Variants in ZMYM4 observed in about 807,000 individuals in gnomAD.
The protein encoded by ZMYM4 is zinc finger MYM-type protein 4.
ZMYM4 carries 31 observed loss-of-function variants against 183.2 expected under a neutral mutation model. The ratio of observed to expected loss-of-function variants is 0.17; its 90% CI spans 0.13 to 0.23. ZMYM4 has a LOEUF of 0.23. Ranked by LOEUF, ZMYM4 falls within the 10% of genes least tolerant of loss-of-function variation. The pLI is 1.00. For synonymous variants in ZMYM4, 592 were observed against 631.2 expected, an observed-to-expected ratio of 0.94 and a Z score of 0.93; for missense variants, 1,273 against 1,840.3, an observed-to-expected ratio of 0.69 and a Z score of 5.64.
At chr1:35,274,586 A>G (rs1639774210) in intron 1 of ZMYM4, among the ~76,000 whole-genome samples, 1 of 150,112 alleles carries the variant, frequency 6.7e-6, no homozygotes, top group South Asian at 2.1e-4. Context: ...AGCCTGGGTG[A>G]CAGAGCAAGA....
At chr1:35,311,345 T>G (rs1641788125) in intron 1 of ZMYM4, among the ~76,000 whole-genome samples, 1 of 149,290 alleles carries the variant, frequency 6.7e-6, no homozygotes, top group Non-Finnish European at 1.5e-5. Context: ...TCGCTTGAAC[T>G]CAGGAGGCGG....
chr1:35,382,238 A>C (rs1482183448), intron 9 of ZMYM4, among the ~76,000 whole-genome samples: 1 of 150,682 alleles, frequency 6.6e-6, no homozygotes, highest in Non-Finnish European at 1.5e-5. Context: ...ATATGTATGT[A>C]TATGTATATA....
Position 35,327,844 on chromosome 1 carries a change from G to T in ZMYM4, c.85+2439G>T, listed in dbSNP as rs558978554. ...GTATATCCATTCTAAATTTCAAGTT[G>T]TTTGGAGAAAGATTATGATTGGGCC... is the stretch of plus-strand genomic sequence containing the variant. On this transcript the variant is annotated intron_variant, in intron 2 of 29. Transcript: ENST00000314607. Among the ~76,000 whole-genome samples, 13 of 152,248 alleles carry T rather than the reference G, an allele frequency of 8.5e-5. 2 individuals are homozygous for T. Among genetic ancestry groups the T allele is most frequent in the African/African-American group, 2.6e-4 (11 of 41,550 alleles).
At chr1:35,273,286 T>TACACACAC (rs952484271) in intron 1 of ZMYM4, among the ~76,000 whole-genome samples, 1 of 151,878 alleles carries the variant, frequency 6.6e-6, no homozygotes, top group African/African-American at 2.4e-5. Context: ...CACAAATACA[T>TACACACAC]ACACACACAC....
In ZMYM4 at chr1:35,415,692, A is replaced by G. The variant is rs888069348; in HGVS notation, c.4287A>G (p.Leu1429=). ...KMTYLRFFPP[L]QKQESEPDKL... is the part of the protein sequence containing the mutation. Reference sequence around the variant, plus strand: ...CATATCTGAGGTTCTTCCCACCTTTACAGAAGCAGGAGTCAGAACCAGGTA... The same window carrying G: ...CATATCTGAGGTTCTTCCCACCTTTGCAGAAGCAGGAGTCAGAACCAGGTA... Residue 1429 remains leucine, a synonymous_variant, in exon 28 of 30, where the codon TTA becomes TTG. Transcript: ENST00000314607. 1.2e-5 allele frequency: 19 copies of G among 1,613,158 alleles called. No individual in the cohort carries two copies. Among genetic ancestry groups the G allele is most frequent in the Non-Finnish European group, 1.6e-5 (19 of 1,180,028 alleles).
intron 28 of ZMYM4, among the ~76,000 whole-genome samples, chr1:35,417,947 G>A (rs1235935535): frequency 1.3e-5 from 2 of 152,042 alleles, no homozygotes; most frequent in African/African-American, 2.4e-5. Flanking sequence ...GGTGGAGGCT[G>A]CAGTGAGCGG....
chr1:35,336,345 A>G (rs1642974732), intron 2 of ZMYM4, among the ~76,000 whole-genome samples: 1 of 151,826 alleles, frequency 6.6e-6, no homozygotes, highest in East Asian at 1.9e-4. Flanking sequence ...TTGTGGTACC[A>G]TGTTGAACAT....
At chr1:35,360,591 G>A (rs1433985910) in intron 3 of ZMYM4, among the ~76,000 whole-genome samples, 1 of 151,976 alleles carries the variant, frequency 6.6e-6, no homozygotes, top group African/African-American at 2.4e-5. Flanking sequence ...TGTTTCTCAA[G>A]GAACATAATG....
chr1:35,385,105 G>A (rs777484632), intron 9 of ZMYM4, among the ~76,000 whole-genome samples: 5 of 152,036 alleles, frequency 3.3e-5, no homozygotes, highest in Non-Finnish European at 5.9e-5. Context: ...TCGGCCTCCC[G>A]ATGTGCTGGG....
rs1644910557 is a variant in ZMYM4 at position 35,401,634 on chromosome 1, TTTG to T, written c.3528+2061_3528+2063del. On this transcript the variant is annotated intron_variant, in intron 23 of 29. Transcript: ENST00000314607. ...ATTTTGAGGAAGTCCCTTTTATCAA[TTTG>T]TTATTTTATGGATTGTGCTTTTTAA... Among the ~76,000 whole-genome samples, 4 of 152,318 alleles carry T rather than the reference TTTG, an allele frequency of 2.6e-5. No individual in the cohort carries two copies. The South Asian group carries it at 8.3e-4, about 32-fold the overall frequency.
intron 5 of ZMYM4, among the ~76,000 whole-genome samples, chr1:35,367,331 C>T (rs866623686): frequency 1.4e-4 from 21 of 151,722 alleles, no homozygotes; most frequent in Admixed American, 3.9e-4. Flanking sequence ...TGGGTTCAAG[C>T]GATTCTCCTG....
At chr1:35,385,643 T>C (rs766645477) in intron 10 of ZMYM4, 51 bp downstream of exon 10, 1 of 1,537,524 alleles carries the variant, frequency 6.5e-7, no homozygotes, top group East Asian at 2.4e-5. Flanking sequence ...AAATAATGGT[T>C]ATTGCTTTGT....
Position 35,364,959 on chromosome 1 carries a change from G to A in ZMYM4, c.840+3170G>A, listed in dbSNP as rs534763912. On this transcript the variant is annotated intron_variant, in intron 5 of 29. Transcript: ENST00000314607. Reference sequence around the variant, plus strand: ...ATTCTGGATTTGCCAGTCATTGTCCGTCCTCCTGCCTCTATTACTGGCATA... The same window carrying A: ...ATTCTGGATTTGCCAGTCATTGTCCATCCTCCTGCCTCTATTACTGGCATA... Among the ~76,000 whole-genome samples the A allele has an allele frequency of 3.3e-5, 5 of 152,190 alleles. No individual in the cohort carries two copies. The South Asian group carries it at 8.3e-4, about 25-fold the overall frequency.
intron 2 of ZMYM4, among the ~76,000 whole-genome samples, chr1:35,332,931 C>G (rs1422535309): frequency 4.6e-5 from 7 of 152,044 alleles, no homozygotes; most frequent in Admixed American, 4.6e-4. Flanking sequence ...CTTTTCTGAC[C>G]TAGCTTCAAA....
chr1:35,392,841 A>C (rs1644735636), intron 17 of ZMYM4, among the ~76,000 whole-genome samples, 157 bp downstream of exon 17: 1 of 152,086 alleles, frequency 6.6e-6, no homozygotes, highest in Non-Finnish European at 1.5e-5. Context: ...TTTTCTGGCT[A>C]TTTAAATAGG....
intron 16 of ZMYM4, 59 bp from the exon 17 acceptor site, chr1:35,392,588 T>C: frequency 6.8e-7 from 1 of 1,480,564 alleles, no homozygotes; most frequent in Non-Finnish European, 9.3e-7. Flanking sequence ...AATCAGCTTT[T>C]AATGCTAATG....
chr1:35,278,508 C>T (rs2148678098), intron 1 of ZMYM4, among the ~76,000 whole-genome samples: 1 of 151,606 alleles, frequency 6.6e-6, no homozygotes, highest in South Asian at 2.1e-4. Context: ...TCACTGCAAC[C>T]TCTGCCTCCT....
In ZMYM4 at chr1:35,370,661, C is replaced by A. The variant is rs143064464; in HGVS notation, c.1181+34C>A. The A allele has an allele frequency of 1.0e-5, 15 of 1,474,124 alleles. No homozygotes were observed. The Admixed American group carries it at 1.8e-4, about 17-fold the overall frequency. The allele number at this position is 1,474,124 out of a possible 1,614,324, so 91.3% of individuals were successfully genotyped here. On this transcript the variant is annotated intron_variant, in intron 7 of 29. Coordinates refer to ENST00000314607, the MANE Select transcript of ZMYM4 (RefSeq NM_005095.3). ...GAATTCTAAATTATCTTTTTTGTTT[C>A]TTTCCTTTCTCTTAACATACTTTGT...
chr1:35,359,995 G>A (rs1232576023), intron 3 of ZMYM4, among the ~76,000 whole-genome samples: 1 of 151,680 alleles, frequency 6.6e-6, no homozygotes, highest in African/African-American at 2.4e-5. Flanking sequence ...CTATACTTTA[G>A]CTTTAGTTAA....
Sources: gnomAD v4.1 joint callset for allele counts (sites outside exome capture counted in the v4.1 genomes callset) on GRCh38, gnomAD v4.1.1 for gene constraint, MANE v1.5 for transcripts, NCBI Gene and HGNC (gene_info 2026-07-23, HGNC 2026-07-21) for gene names.